NCKAP5: variants seen among roughly 807,000 people sequenced by gnomAD.
NCKAP5 encodes nck-associated protein 5.
A neutral mutation model predicts 167.0 loss-of-function variants in NCKAP5; 92 were observed. The ratio of observed to expected loss-of-function variants is 0.55; its 90% confidence interval spans 0.47 to 0.66. The LOEUF is 0.66. Ranked by LOEUF, NCKAP5 falls within the 30% of genes least tolerant of loss-of-function variation. The pLI is 0.00. For missense variants in NCKAP5, 2,378 were observed against 2,315.0 expected (o/e 1.03, Z -0.56); for synonymous variants, 891 against 877.4 (o/e 1.02, Z -0.27).
At chr2:132,840,335 G>A (rs1440616180) in intron 11 of NCKAP5, among the ~76,000 whole-genome samples, 1 of 149,274 alleles carries the variant, frequency 6.7e-6, no homozygotes, top group African/African-American at 2.5e-5. Context: ...GAGTGCATTG[G>A]TGTGATCTCA....
Position 132,783,928 on chromosome 2 carries a change from G to A in NCKAP5, c.2883C>T (p.Pro961=), listed in dbSNP as rs1374034956. 2 of 1,571,838 alleles carry A rather than the reference G, an allele frequency of 1.3e-6. No individual in the cohort carries two copies. Among genetic ancestry groups the A allele is most frequent in the African/African-American group, 1.4e-5 (1 of 73,148 alleles). Reference sequence around the variant, plus strand: ...TGAATGGGGTCCTTGCTGTTTCACTGGGGACCCTGGTTTCGGACTTGGTGG... The same window carrying A: ...TGAATGGGGTCCTTGCTGTTTCACTAGGGACCCTGGTTTCGGACTTGGTGG... ...PSSTKSETRV[P]SETARTPFKS... is the part of the protein sequence containing the mutation. Residue 961 remains proline (P), a synonymous_variant, in exon 14 of 20, where the codon CCC becomes CCT. Coordinates refer to ENST00000409261, the MANE Select transcript of NCKAP5 (RefSeq NM_207363.3).
chr2:133,307,473 A>G (rs867501949), intron 3 of NCKAP5, among the ~76,000 whole-genome samples: 1 of 152,176 alleles, frequency 6.6e-6, no homozygotes, highest in African/African-American at 2.4e-5. Context: ...AAAACAATCC[A>G]CACATCTATT....
chr2:133,527,497 C>A (rs1448539305), intron 2 of NCKAP5, among the ~76,000 whole-genome samples: 2 of 151,688 alleles, frequency 1.3e-5, no homozygotes, highest in African/African-American at 4.8e-5. Context: ...ACCCACCCAC[C>A]CCCCAAAATA....
chr2:132,783,478 T>C lies in NCKAP5; in HGVS notation c.3333A>G (p.Pro1111=), dbSNP rs751991653. ...KPSFLGVNES[P]SSQVSSSSSS... is the part of the protein sequence containing the mutation. ...ATGAGGAACTGCTGACCTGAGATGA[T>C]GGTGACTCATTTACCCCTAAGAAGG... Residue 1111 remains proline, a synonymous_variant, in exon 14 of 20, where the codon CCA becomes CCG. Transcript: ENST00000409261. 5.6e-6 allele frequency: 9 copies of C among 1,597,814 alleles called. No individual in the cohort carries two copies. Among genetic ancestry groups the C allele is most frequent in the East Asian group, 2.2e-5 (1 of 44,782 alleles).
At chr2:133,669,614 A>G in the NCKAP5 span, among the ~76,000 whole-genome samples, 1 of 152,206 alleles carries the variant, frequency 6.6e-6, no homozygotes. Flanking sequence ...CTATTACCAA[A>G]TATCACTGTT....
At chr2:133,493,500 G>C (rs1161805214) in intron 3 of NCKAP5, among the ~76,000 whole-genome samples, 4 of 152,138 alleles carry the variant, frequency 2.6e-5, no homozygotes, top group African/African-American at 9.7e-5. Context: ...GGTACCACGG[G>C]AGTAAAGAAT....
At chr2:132,752,411 G>A (rs1680192033) in intron 16 of NCKAP5, among the ~76,000 whole-genome samples, 2 of 152,190 alleles carry the variant, frequency 1.3e-5, no homozygotes, top group South Asian at 4.1e-4. Flanking sequence ...GAACTCAGAG[G>A]GCTAAACGGA....
chr2:133,436,601 G>A (rs769701640), intron 3 of NCKAP5, among the ~76,000 whole-genome samples: 9 of 152,138 alleles, frequency 5.9e-5, no homozygotes, highest in Non-Finnish European at 1.0e-4. Context: ...ACCTGCAGGT[G>A]CCTTTTCCTA....
rs1205505171 is a variant in NCKAP5, at chr2:133,370,918, C to G, written c.70-67808G>C. 2.0e-5 allele frequency among the ~76,000 whole-genome samples: 3 copies of G among 152,170 alleles called. No homozygotes were observed. In the East Asian group the frequency reaches 5.8e-4, roughly 29 times the overall value. ...TGCAGGTCTTCAAATGTATAAAATG[C>G]TTATTGACCTGAAAGTTACAAATGA... On this transcript the variant is annotated intron_variant, in intron 3 of 19. Coordinates refer to ENST00000409261, the MANE Select transcript of NCKAP5 (RefSeq NM_207363.3).
intron 4 of NCKAP5, among the ~76,000 whole-genome samples, chr2:133,228,130 A>G (rs1039743917): frequency 6.6e-6 from 1 of 152,150 alleles, no homozygotes; most frequent in African/African-American, 2.4e-5. Context: ...TTGACCTGGG[A>G]GCAGGGTCAT....
At chr2:132,728,690 A>G (rs75260097) in intron 18 of NCKAP5, 126 bp downstream of exon 18, 14,290 of 1,290,154 alleles carry the variant, frequency 0.011, 117 homozygotes, top group Non-Finnish European at 0.014. Flanking sequence ...ACCTTGGTTT[A>G]TATTCAGTAA....
At position 133,156,407 on chromosome 2, in the gene NCKAP5, C is replaced by G. The variant is rs1003077145; in HGVS notation, c.208-26296G>C. On this transcript the variant is annotated intron_variant, in intron 5 of 19. Coordinates refer to ENST00000409261, the MANE Select transcript of NCKAP5 (RefSeq NM_207363.3). ...GTTTATCTACTTCATTTCTGTATCT[C>G]CAGACCCTAACACAGCATGTTCCAG... 8.5e-5 allele frequency among the ~76,000 whole-genome samples: 13 copies of G among 152,124 alleles called. No individual in the cohort carries two copies. In the South Asian group the frequency reaches 1.2e-3, roughly 15 times the overall value.
At chr2:133,495,748 T>A (rs1681887921) in intron 3 of NCKAP5, among the ~76,000 whole-genome samples, 1 of 152,200 alleles carries the variant, frequency 6.6e-6, no homozygotes, top group Non-Finnish European at 1.5e-5. Flanking sequence ...TGCTAACTCA[T>A]CTGGGTAGTG....
chr2:133,562,781 T>C lies in NCKAP5; in HGVS notation c.-129-3664A>G, dbSNP rs571312239. ...CTTGCCCTGAAAATACCAAGATTAATTTATGTAACTACGGGGAAGTACCCT... is the reference window on the plus strand; with the variant it reads ...CTTGCCCTGAAAATACCAAGATTAACTTATGTAACTACGGGGAAGTACCCT... On this transcript the variant is annotated intron_variant, in intron 1 of 19. Transcript: ENST00000409261. Among the ~76,000 whole-genome samples the C allele has an allele frequency of 5.3e-5, 8 of 152,312 alleles. No homozygotes were observed. The South Asian group carries it at 1.4e-3, about 28-fold the overall frequency.
At chr2:132,956,567 A>T (rs2076351630) in intron 8 of NCKAP5, among the ~76,000 whole-genome samples, 1 of 152,182 alleles carries the variant, frequency 6.6e-6, no homozygotes, top group African/African-American at 2.4e-5. Context: ...CCACTAGAAC[A>T]CGGCCATTGG....
At chr2:133,221,903 A>T (rs2086676544) in intron 4 of NCKAP5, among the ~76,000 whole-genome samples, 1 of 152,214 alleles carries the variant, frequency 6.6e-6, no homozygotes, top group Non-Finnish European at 1.5e-5. Context: ...TTTGTTCAGC[A>T]CCATGGTCTG....
chr2:133,271,208 A>C (rs1164135689), intron 4 of NCKAP5, among the ~76,000 whole-genome samples: 4 of 151,724 alleles, frequency 2.6e-5, no homozygotes, highest in Admixed American at 1.3e-4. Flanking sequence ...CTAGGATTAC[A>C]GGTGTGAGCC....
intron 4 of NCKAP5, chr2:133,284,583 A>T (rs922890503): frequency 4.6e-5 from 7 of 152,212 alleles, no homozygotes; most frequent in African/African-American, 1.7e-4. Context: ...TTTGGAAGTC[A>T]TGAGAAATTG....
chr2:133,615,650 G>A, the NCKAP5 span, among the ~76,000 whole-genome samples: 3 of 152,104 alleles, frequency 2.0e-5, no homozygotes, highest in Non-Finnish European at 4.4e-5. Flanking sequence ...GATTCATAAA[G>A]CAATTCCTGA....
Sources: gnomAD v4.1 joint callset for allele counts (sites outside exome capture counted in the v4.1 genomes callset) on GRCh38, gnomAD v4.1.1 for gene constraint, MANE v1.5 for transcripts, NCBI Gene and HGNC (gene_info 2026-07-23, HGNC 2026-07-21) for gene names.